The following FGF10 variants were observed in gnomAD, a reference collection of about 807,000 sequenced individuals.
FGF10 encodes the protein FGF-10.
FGF10 carries 2 observed loss-of-function variants against 19.8 expected under a neutral mutation model. The ratio of observed to expected loss-of-function variants is 0.10; its 90% CI spans 0.04 to 0.32. The LOEUF (loss-of-function observed/expected upper bound fraction) is 0.32. Among genes scored for constraint, FGF10 ranks in the 10% least tolerant of loss-of-function variants. The probability of loss-of-function intolerance (pLI) is 1.00; values close to 1 mark genes in which losing one functional copy is unlikely to be tolerated. For missense variants in FGF10, 191 were observed against 246.3 expected, an observed-to-expected ratio of 0.78 and a Z score of 1.50; for synonymous variants, 112 against 94.0, an observed-to-expected ratio of 1.19 and a Z score of -1.10.
At chr5:44,348,445 G>T (rs919476162) in intron 1 of FGF10, among the ~76,000 whole-genome samples, 1 of 151,338 alleles carries the variant, frequency 6.6e-6, no homozygotes, top group African/African-American at 2.4e-5. Context: ...CTTAACATGG[G>T]ATCTGGATTT....
In FGF10 at chr5:44,304,768, C is replaced by G. The variant is rs528501180; in HGVS notation, c.*227G>C. 4.0e-5 allele frequency: 21 copies of G among 527,212 alleles called. No homozygotes were observed. Among genetic ancestry groups the G allele is most frequent in the Middle Eastern group, 4.9e-4 (1 of 2,024 alleles). 32.7% of individuals were successfully genotyped at this position (527,212 alleles called of 1,614,324 possible). A position where few individuals can be genotyped will look rare whatever the true frequency, so the allele number is the denominator to read the frequency against. On this transcript the variant is annotated 3_prime_UTR_variant, in exon 3 of 3. Transcript: ENST00000264664. ...TTTTCACTTGGGAATAACTTCTATC[C>G]CATTCGATCTGCCTATATCTTGATT...
chr5:44,304,773 C>T lies in FGF10; in HGVS notation c.*222G>A, dbSNP rs1015375981. The T allele has an allele frequency of 7.4e-6, 4 of 537,946 alleles. No individual in the cohort carries two copies. Among genetic ancestry groups the T allele is most frequent in the Non-Finnish European group, 1.0e-5 (3 of 298,672 alleles). 33.3% of individuals were successfully genotyped at this position (537,946 alleles called of 1,614,324 possible). ...ACTTGGGAATAACTTCTATCCCATTCGATCTGCCTATATCTTGATTATAAG... is the reference window on the plus strand; with the variant it reads ...ACTTGGGAATAACTTCTATCCCATTTGATCTGCCTATATCTTGATTATAAG... On this transcript the variant is annotated 3_prime_UTR_variant, in exon 3 of 3. Transcript: ENST00000264664.
chr5:44,326,724 C>A (rs1245679807), intron 1 of FGF10, among the ~76,000 whole-genome samples: 2 of 152,022 alleles, frequency 1.3e-5, no homozygotes, highest in African/African-American at 4.8e-5. Context: ...TTCATATGGA[C>A]CTCATCTGCC....
In FGF10 at chr5:44,328,679, T is replaced by C. The variant is rs17227948; in HGVS notation, c.326-18149A>G. Among the ~76,000 whole-genome samples, 37 of 152,282 alleles carry C rather than the reference T, an allele frequency of 2.4e-4. No individual in the cohort carries two copies. The East Asian group carries it at 7.0e-3, about 29-fold the overall frequency. On this transcript the variant is annotated intron_variant, in intron 1 of 2. Transcript: ENST00000264664. Reference sequence around the variant, plus strand: ...CAGAAGGCTGAGGTAGGAAAATCACTTGAGCCAAGGAGGTAGAGGCTGCAG... The same window carrying C: ...CAGAAGGCTGAGGTAGGAAAATCACCTGAGCCAAGGAGGTAGAGGCTGCAG...
chr5:44,376,787 G>C (rs1482984848), intron 1 of FGF10, among the ~76,000 whole-genome samples: 2 of 151,206 alleles, frequency 1.3e-5, no homozygotes, highest in African/African-American at 4.9e-5. Context: ...ACAATTTCTT[G>C]CTACTTACTA....
At position 44,357,897 on chromosome 5, in the gene FGF10, T is replaced by G. The variant is rs1171869364; in HGVS notation, c.325+30461A>C. Among the ~76,000 whole-genome samples, 13 of 151,422 alleles carry G rather than the reference T, an allele frequency of 8.6e-5. No homozygotes were observed. The East Asian group carries it at 2.5e-3, about 29-fold the overall frequency. Reference sequence around the variant, plus strand: ...AGGTTCTTAGGAAGACCTGTTGGAATAATGCATTCCCCTCTGTCTCCTCCA... The same window carrying G: ...AGGTTCTTAGGAAGACCTGTTGGAAGAATGCATTCCCCTCTGTCTCCTCCA... On this transcript the variant is annotated intron_variant, in intron 1 of 2. Transcript: ENST00000264664.
At chr5:44,319,109 C>A (rs1353958576) in intron 1 of FGF10, among the ~76,000 whole-genome samples, 1 of 152,110 alleles carries the variant, frequency 6.6e-6, no homozygotes, top group East Asian at 1.9e-4. Flanking sequence ...GAGGCTCCTG[C>A]TAACATTTAC....
intron 1 of FGF10, among the ~76,000 whole-genome samples, chr5:44,375,576 G>A (rs1362591775): frequency 1.3e-5 from 2 of 152,174 alleles, no homozygotes; most frequent in Admixed American, 6.5e-5. Flanking sequence ...TATATGACAT[G>A]TGAAGGAATA....
chr5:44,349,197 T>G (rs1385682354), intron 1 of FGF10, among the ~76,000 whole-genome samples: 3 of 150,764 alleles, frequency 2.0e-5, no homozygotes, highest in African/African-American at 7.3e-5. Flanking sequence ...TCATAGGCAC[T>G]TGTCTCTATA....
At chr5:44,312,140 A>C (rs1048563469) in intron 1 of FGF10, among the ~76,000 whole-genome samples, 1 of 151,896 alleles carries the variant, frequency 6.6e-6, no homozygotes, top group South Asian at 2.1e-4. Context: ...GATGAAGGAG[A>C]CATTATTTGT....
In FGF10 at chr5:44,305,175, G is replaced by A; in HGVS notation, c.447C>T (p.Asp149=). 6.2e-7 allele frequency: 1 copy of A among 1,613,614 alleles called. No homozygotes were observed. The highest frequency in any genetic ancestry group is 8.5e-7 in the Non-Finnish European group (1 of 1,179,656). ...CCTCTATCCTCTCCTTCAGCTTACA[G>A]TCATTGTTAAATTCTTTCTGCAAAG... ...KLYGSKEFNN[D]CKLKERIEEN... The change falls in exon 3 of 3, where the codon GAC becomes GAT. Residue 149 remains aspartate (D), a synonymous_variant. Coordinates refer to ENST00000264664, the MANE Select transcript of FGF10 (RefSeq NM_004465.2).
intron 1 of FGF10, among the ~76,000 whole-genome samples, chr5:44,364,044 A>G (rs1741550200): frequency 6.6e-6 from 1 of 151,838 alleles, no homozygotes; most frequent in Non-Finnish European, 1.5e-5. Flanking sequence ...AGAAAACACC[A>G]GGGCTGAGAT....
At chr5:44,310,248 A>T (rs1740179355) in intron 2 of FGF10, among the ~76,000 whole-genome samples, 179 bp downstream of exon 2, 1 of 152,122 alleles carries the variant, frequency 6.6e-6, no homozygotes, top group Non-Finnish European at 1.5e-5. Flanking sequence ...ACAACAGAGG[A>T]GATTACAGAA....
intron 1 of FGF10, among the ~76,000 whole-genome samples, chr5:44,349,441 T>G (rs1282413947): frequency 8.1e-5 from 1 of 12,412 alleles, no homozygotes; most frequent in Non-Finnish European, 2.4e-4. Context: ...TATATATATA[T>G]ATATATATAT....
chr5:44,305,989 A>G (rs79539234), intron 2 of FGF10, among the ~76,000 whole-genome samples: 2,235 of 152,276 alleles, frequency 0.015, 43 homozygotes, highest in African/African-American at 0.042. Flanking sequence ...CAGGAGGCCA[A>G]TTGGATTTAA....
intron 2 of FGF10, among the ~76,000 whole-genome samples, chr5:44,305,536 AAAG>A (rs1440653288): frequency 6.6e-6 from 1 of 152,174 alleles, no homozygotes; most frequent in Non-Finnish European, 1.5e-5. Context: ...AGTCAGTAAT[AAAG>A]AATAGTGTTA....
At chr5:44,327,149 C>T (rs1275285646) in intron 1 of FGF10, among the ~76,000 whole-genome samples, 1 of 152,104 alleles carries the variant, frequency 6.6e-6, no homozygotes, top group Non-Finnish European at 1.5e-5. Flanking sequence ...TTAACATATG[C>T]ATATTCAACT....
chr5:44,374,488 C>G (rs1034115742), intron 1 of FGF10, among the ~76,000 whole-genome samples: 2 of 152,062 alleles, frequency 1.3e-5, no homozygotes, highest in African/African-American at 4.8e-5. Flanking sequence ...GGTCCTTAGT[C>G]TGTGAAATAA....
chr5:44,314,213 G>T lies in FGF10; in HGVS notation c.326-3683C>A, dbSNP rs1740281587. The stretch of plus-strand genomic sequence containing the variant: ...TAAGAGGTTTGATTTACCAACTGGA[G>T]TACAAGGAACAAGTCAGGAAGCTGG... On this transcript the variant is annotated intron_variant, in intron 1 of 2. Transcript: ENST00000264664. Among the ~76,000 whole-genome samples, 5 of 152,210 alleles carry T rather than the reference G, an allele frequency of 3.3e-5. No homozygotes were observed. The South Asian group carries it at 1.0e-3, about 32-fold the overall frequency.
Sources: gnomAD v4.1 joint callset for allele counts (sites outside exome capture counted in the v4.1 genomes callset) on GRCh38, gnomAD v4.1.1 for gene constraint, MANE v1.5 for transcripts, NCBI Gene and HGNC (gene_info 2026-07-23, HGNC 2026-07-21) for gene names.